Variants in NKAIN3 observed in about 807,000 individuals in gnomAD.
NKAIN3 encodes the protein sodium/potassium-transporting ATPase subunit beta-1-interacting protein 3.
In NKAIN3, 25 loss-of-function variants were observed where a neutral mutation model predicts 30.2. The ratio of observed to expected loss-of-function variants is 0.83; its 90% CI spans 0.60 to 1.16. NKAIN3 has a LOEUF of 1.16. Among genes scored for constraint, NKAIN3 ranks in the 50% most tolerant of loss-of-function variants. NKAIN3 has a pLI of 0.00. For synonymous variants in NKAIN3, 91 were observed against 89.6 expected (o/e 1.02, Z -0.09); for missense variants, 225 against 254.1 (o/e 0.89, Z 0.78).
At position 62,697,515 on chromosome 8, in the gene NKAIN3, C is replaced by CT. The variant is rs201679800; in HGVS notation, c.274-49409dup. Among the ~76,000 whole-genome samples the CT allele has an allele frequency of 3.1e-3, 468 of 152,106 alleles. 9 individuals carry two copies. The highest frequency in any genetic ancestry group is 1.9e-3 in the South Asian group (9 of 4,816). On this transcript the variant is annotated intron_variant, in intron 3 of 6. Transcript: ENST00000623646. Reference sequence around the variant, plus strand: ...AAACTTCGTCCACCTCCACTGAATTCTTTTTTTTACATAATATTTGTTACT... The same window carrying CT: ...AAACTTCGTCCACCTCCACTGAATTCTTTTTTTTTACATAATATTTGTTACT...
rs1042580387 is a variant in NKAIN3 at position 62,968,927 on chromosome 8, A to G, written c.*3520A>G. 6.6e-6 allele frequency among the ~76,000 whole-genome samples: 1 copy of G among 152,194 alleles called. No individual in the cohort carries two copies. Among genetic ancestry groups the G allele is most frequent in the African/African-American group, 2.4e-5 (1 of 41,446 alleles). ...TTAGAGAATTACCAAAGGACACAAAATGTCTTGGGTTGTGGAATAGCACAC... is the reference window on the plus strand; with the variant it reads ...TTAGAGAATTACCAAAGGACACAAAGTGTCTTGGGTTGTGGAATAGCACAC... On this transcript the variant is annotated 3_prime_UTR_variant, in exon 7 of 7. Coordinates refer to ENST00000623646, the MANE Select transcript of NKAIN3 (RefSeq NM_001304533.3).
chr8:62,947,979 A>T (rs927964634), intron 5 of NKAIN3, among the ~76,000 whole-genome samples: 2 of 152,224 alleles, frequency 1.3e-5, no homozygotes, highest in Non-Finnish European at 2.9e-5. Flanking sequence ...TTGTTTTAAG[A>T]CACTGTTATG....
chr8:62,667,729 T>C (rs1321501672), intron 3 of NKAIN3, among the ~76,000 whole-genome samples: 1 of 152,084 alleles, frequency 6.6e-6, no homozygotes, highest in Non-Finnish European at 1.5e-5. Context: ...GGCCATCCTA[T>C]CTAAAAATAT....
At chr8:62,564,593 C>T (rs1281793250) in intron 1 of NKAIN3, among the ~76,000 whole-genome samples, 4 of 152,148 alleles carry the variant, frequency 2.6e-5, no homozygotes, top group African/African-American at 9.7e-5. Flanking sequence ...TATACAAACT[C>T]CAATTCTTGG....
At chr8:62,343,237 G>A (rs1020873901) in intron 1 of NKAIN3, among the ~76,000 whole-genome samples, 1 of 151,948 alleles carries the variant, frequency 6.6e-6, no homozygotes, top group African/African-American at 2.4e-5. Context: ...TGCCCTACCT[G>A]TTATGCAAAA....
chr8:62,716,164 G>A (rs145319801), intron 3 of NKAIN3, among the ~76,000 whole-genome samples: 2,376 of 152,102 alleles, frequency 0.016, 28 homozygotes, highest in Admixed American at 0.03. Context: ...CACAGTCAAT[G>A]AACCTCCCAA....
intron 1 of NKAIN3, among the ~76,000 whole-genome samples, chr8:62,396,674 G>A (rs1817777398): frequency 6.6e-6 from 1 of 152,068 alleles, no homozygotes; most frequent in South Asian, 2.1e-4. Flanking sequence ...TACTTACCCT[G>A]TCTATTCTGC....
intron 3 of NKAIN3, among the ~76,000 whole-genome samples, chr8:62,623,713 T>C (rs943586402): frequency 6.6e-5 from 10 of 152,088 alleles, no homozygotes; most frequent in Non-Finnish European, 1.5e-4. Context: ...AACGTTTTAT[T>C]TCTCCTCCAC....
chr8:62,454,374 A>G (rs1805751184), intron 1 of NKAIN3, among the ~76,000 whole-genome samples: 1 of 146,342 alleles, frequency 6.8e-6, no homozygotes, highest in African/African-American at 2.5e-5. Flanking sequence ...GTGTTGGGCC[A>G]TGTTCAAAGT....
chr8:62,461,167 G>A (rs1805990621), intron 1 of NKAIN3, among the ~76,000 whole-genome samples: 1 of 152,154 alleles, frequency 6.6e-6, no homozygotes, highest in South Asian at 2.1e-4. Context: ...CACACATAGA[G>A]TCCCTCAGCA....
At chr8:62,689,689 G>A (rs1813903991) in intron 3 of NKAIN3, among the ~76,000 whole-genome samples, 1 of 152,180 alleles carries the variant, frequency 6.6e-6, no homozygotes, top group East Asian at 1.9e-4. Flanking sequence ...AGAATGTTCA[G>A]AAAATCCTAC....
At chr8:62,731,938 G>A (rs1213719399) in intron 3 of NKAIN3, among the ~76,000 whole-genome samples, 1 of 151,942 alleles carries the variant, frequency 6.6e-6, no homozygotes, top group African/African-American at 2.4e-5. Flanking sequence ...TAACTCCAGA[G>A]GGAGGTTTGA....
At chr8:62,612,483 T>C (rs1811325987) in intron 3 of NKAIN3, among the ~76,000 whole-genome samples, 1 of 151,974 alleles carries the variant, frequency 6.6e-6, no homozygotes, top group Non-Finnish European at 1.5e-5. Context: ...TTTCAGTCTT[T>C]GTGTGTCTTT....
At chr8:62,479,536 C>G (rs994613075) in intron 1 of NKAIN3, among the ~76,000 whole-genome samples, 5 of 152,168 alleles carry the variant, frequency 3.3e-5, no homozygotes, top group African/African-American at 1.2e-4. Flanking sequence ...TTAGCAGCTT[C>G]TTGCCAGATC....
At chr8:62,309,810 G>T (rs964227659) in intron 1 of NKAIN3, among the ~76,000 whole-genome samples, 3 of 150,498 alleles carry the variant, frequency 2.0e-5, no homozygotes, top group Admixed American at 2.0e-4. Flanking sequence ...ATAGCTTATA[G>T]TGAAACTTTT....
chr8:62,581,596 C>T (rs187124057), intron 2 of NKAIN3, among the ~76,000 whole-genome samples: 1 of 152,294 alleles, frequency 6.6e-6, no homozygotes, highest in East Asian at 1.9e-4. Flanking sequence ...GCTCTTTGTA[C>T]TTTTCTTAAA....
intron 3 of NKAIN3, among the ~76,000 whole-genome samples, chr8:62,734,761 C>A (rs1815594814): frequency 6.6e-6 from 1 of 152,180 alleles, no homozygotes; most frequent in South Asian, 2.1e-4. Flanking sequence ...AAGTCTGTGT[C>A]ATATATAGTG....
chr8:62,807,509 A>G (rs1379137509), intron 4 of NKAIN3, among the ~76,000 whole-genome samples: 1 of 150,524 alleles, frequency 6.6e-6, no homozygotes, highest in Admixed American at 6.6e-5. Context: ...TCTGCTAGTT[A>G]AAGATTATAT....
intron 1 of NKAIN3, among the ~76,000 whole-genome samples, chr8:62,452,337 G>T (rs528093797): frequency 1.3e-5 from 2 of 151,980 alleles, no homozygotes; most frequent in African/African-American, 2.4e-5. Flanking sequence ...TTAGGTGGGC[G>T]TGGTGGCATG....
Sources: allele counts gnomAD v4.1 joint callset (sites outside exome capture counted in the v4.1 genomes callset), GRCh38; gene constraint gnomAD v4.1.1; transcripts MANE v1.5; gene names NCBI Gene and HGNC (gene_info 2026-07-23, HGNC 2026-07-21).